The following ERC2 variants were observed in gnomAD, a reference collection of about 807,000 sequenced individuals.
ERC2 encodes ELKS/RAB6-interacting/CAST family member 2, also known as ERC protein 2.
ERC2 carries 42 observed loss-of-function variants against 114.8 expected under a neutral mutation model. The ratio of observed to expected loss-of-function variants is 0.37; its 90% confidence interval spans 0.29 to 0.47. ERC2 has a LOEUF of 0.47. Among genes scored for constraint, ERC2 ranks in the 20% least tolerant of loss-of-function variants. ERC2 has a pLI of 0.99. For missense variants in ERC2, 939 were observed against 1,150.7 expected, an observed-to-expected ratio of 0.82 and a Z score of 2.66; for synonymous variants, 454 against 425.5, an observed-to-expected ratio of 1.07 and a Z score of -0.82.
chr3:56,173,848 A>G lies in ERC2; in HGVS notation c.1075-328T>C, dbSNP rs1213842902. 4 of 249,452 alleles carry G rather than the reference A, an allele frequency of 1.6e-5. No homozygotes were observed. In the East Asian group the frequency reaches 4.4e-4, roughly 27 times the overall value. The allele number at this position is 249,452 out of a possible 1,614,324, so 15.5% of individuals were successfully genotyped here. The stretch of plus-strand genomic sequence containing the variant: ...ATCAAATCATAATTTACTAAATTAC[A>G]TTACTCTGTGCTCCCAATACAAACA... On this transcript the variant is annotated intron_variant, in intron 3 of 17. Transcript: ENST00000288221.
intron 17 of ERC2, among the ~76,000 whole-genome samples, chr3:55,529,548 A>G (rs1454286039): frequency 3.9e-5 from 6 of 152,222 alleles, no homozygotes; most frequent in Non-Finnish European, 8.8e-5. Context: ...AAGAATGTCC[A>G]CCAGGATCCT....
At chr3:55,998,232 C>T (rs929589867) in intron 10 of ERC2, among the ~76,000 whole-genome samples, 1 of 151,766 alleles carries the variant, frequency 6.6e-6, no homozygotes, top group Non-Finnish European at 1.5e-5. Context: ...TCTTATGTCT[C>T]TCTCTCTTTC....
At chr3:56,036,005 C>T (rs1473431149) in intron 7 of ERC2, among the ~76,000 whole-genome samples, 1 of 152,022 alleles carries the variant, frequency 6.6e-6, no homozygotes, top group Non-Finnish European at 1.5e-5. Flanking sequence ...TCAAAAGAGT[C>T]ATACTTCATG....
At chr3:55,641,290 CTGTA>C (rs2060171391) in intron 17 of ERC2, among the ~76,000 whole-genome samples, 1 of 152,274 alleles carries the variant, frequency 6.6e-6, no homozygotes, top group Non-Finnish European at 1.5e-5. Context: ...TGGCTCACGT[CTGTA>C]ATGCCAGCAC....
At chr3:56,460,728 TA>T (rs937752946) in intron 1 of ERC2, among the ~76,000 whole-genome samples, 4 of 152,328 alleles carry the variant, frequency 2.6e-5, no homozygotes, top group East Asian at 1.9e-4. Flanking sequence ...AGATACTCAA[TA>T]AATACTTCAC....
intron 2 of ERC2, among the ~76,000 whole-genome samples, chr3:56,366,888 C>T (rs931376462): frequency 2.0e-5 from 3 of 152,172 alleles, no homozygotes; most frequent in Non-Finnish European, 4.4e-5. Context: ...TATTTTCTGT[C>T]CTGAGAGCTT....
At chr3:55,552,052 C>T (rs1296591985) in intron 17 of ERC2, among the ~76,000 whole-genome samples, 1 of 152,328 alleles carries the variant, frequency 6.6e-6, no homozygotes, top group South Asian at 2.1e-4. Flanking sequence ...AACTGCAAGG[C>T]ATGCCCATAG....
intron 3 of ERC2, among the ~76,000 whole-genome samples, chr3:56,235,741 A>G (rs892216394): frequency 6.6e-6 from 1 of 152,234 alleles, no homozygotes; most frequent in Non-Finnish European, 1.5e-5. Context: ...ACATAATTAA[A>G]TGTGAAATAT....
chr3:55,877,515 C>CTTT (rs369593635), intron 14 of ERC2, among the ~76,000 whole-genome samples: 2 of 140,634 alleles, frequency 1.4e-5, no homozygotes, highest in Admixed American at 7.2e-5. Context: ...TTTATTTTTT[C>CTTT]TTTTTTTTTT....
intron 2 of ERC2, among the ~76,000 whole-genome samples, chr3:56,360,525 C>G (rs912743079): frequency 6.6e-6 from 1 of 152,112 alleles, no homozygotes; most frequent in Non-Finnish European, 1.5e-5. Flanking sequence ...GTTTTGGGAG[C>G]TCCAAGGAGG....
chr3:56,396,463 C>A (rs1356029626), intron 2 of ERC2, among the ~76,000 whole-genome samples: 1 of 152,088 alleles, frequency 6.6e-6, no homozygotes, highest in African/African-American at 2.4e-5. Context: ...CAAAAACAAA[C>A]AAACAATGAG....
At chr3:56,467,929 G>T (rs1276413264) in intron 1 of ERC2, among the ~76,000 whole-genome samples, 3 of 152,216 alleles carry the variant, frequency 2.0e-5, no homozygotes, top group African/African-American at 7.2e-5. Flanking sequence ...TGGCAGTGAG[G>T]GTGGCTGCCG....
intron 3 of ERC2, among the ~76,000 whole-genome samples, chr3:56,240,532 A>C (rs969066526): frequency 3.9e-5 from 6 of 152,372 alleles, no homozygotes; most frequent in Non-Finnish European, 7.3e-5. Context: ...TATTTAAGGC[A>C]GTGCTAAATC....
intron 17 of ERC2, among the ~76,000 whole-genome samples, chr3:55,516,665 C>T (rs948459157): frequency 5.3e-5 from 8 of 152,046 alleles, no homozygotes; most frequent in Non-Finnish European, 8.8e-5. Flanking sequence ...TTTCTGTGCA[C>T]GGGGTATAAC....
At chr3:55,750,627 TG>T in intron 14 of ERC2, among the ~76,000 whole-genome samples, 1 of 152,052 alleles carries the variant, frequency 6.6e-6, no homozygotes, top group African/African-American at 2.4e-5. Flanking sequence ...GGCTTCCAGA[TG>T]GGGTAAGTGT....
At chr3:55,736,703 T>G (rs2065657648) in intron 14 of ERC2, among the ~76,000 whole-genome samples, 1 of 152,138 alleles carries the variant, frequency 6.6e-6, no homozygotes, top group African/African-American at 2.4e-5. Flanking sequence ...TTTACAGACT[T>G]TTAAAGATAT....
intron 17 of ERC2, among the ~76,000 whole-genome samples, chr3:55,521,000 C>T (rs1032052541): frequency 6.6e-6 from 1 of 152,170 alleles, no homozygotes; most frequent in Non-Finnish European, 1.5e-5. Flanking sequence ...AATTTGATAT[C>T]TCAAGTTTAC....
At chr3:55,788,144 A>G (rs2069662849) in intron 14 of ERC2, among the ~76,000 whole-genome samples, 1 of 152,214 alleles carries the variant, frequency 6.6e-6, no homozygotes, top group South Asian at 2.1e-4. Context: ...GTTTAGGCCA[A>G]GTGTTGTTAT....
chr3:55,568,848 C>A (rs551835672), intron 17 of ERC2, among the ~76,000 whole-genome samples: 3 of 152,326 alleles, frequency 2.0e-5, no homozygotes, highest in South Asian at 4.1e-4. Context: ...CACAGTCTGA[C>A]CTGCTCCCCC....
Sources: gnomAD v4.1 joint callset for allele counts (sites outside exome capture counted in the v4.1 genomes callset) on GRCh38, gnomAD v4.1.1 for gene constraint, MANE v1.5 for transcripts, NCBI Gene and HGNC (gene_info 2026-07-23, HGNC 2026-07-21) for gene names.